LRRC7: variants seen among roughly 807,000 people sequenced by gnomAD.
LRRC7 encodes leucine-rich repeat-containing protein 7.
A neutral mutation model predicts 175.7 loss-of-function variants in LRRC7; 23 were observed. The ratio of observed to expected loss-of-function variants is 0.13; its 90% CI spans 0.09 to 0.19. The LOEUF (loss-of-function observed/expected upper bound fraction) is 0.19. Ranked by LOEUF, LRRC7 falls within the 10% of genes least tolerant of loss-of-function variation. LRRC7 has a pLI of 1.00. For missense variants in LRRC7, 1,354 were observed against 1,904.7 expected (o/e 0.71, Z 5.38); for synonymous variants, 685 against 680.9 (o/e 1.01, Z -0.09).
At chr1:70,090,421 C>A (rs1663939532) in intron 25 of LRRC7, among the ~76,000 whole-genome samples, 1 of 152,034 alleles carries the variant, frequency 6.6e-6, no homozygotes, top group Non-Finnish European at 1.5e-5. Context: ...TTAAGGCACA[C>A]CAACTCTAAC....
chr1:69,976,686 C>T (rs138348374), intron 8 of LRRC7, among the ~76,000 whole-genome samples: 91 of 152,250 alleles, frequency 6.0e-4, no homozygotes, highest in African/African-American at 2.0e-3. Flanking sequence ...TTTCCTAACA[C>T]AACTCTATTC....
intron 7 of LRRC7, among the ~76,000 whole-genome samples, chr1:69,853,336 T>C (rs183717910): frequency 2.9e-5 from 4 of 137,924 alleles, no homozygotes; most frequent in African/African-American, 5.4e-5. Flanking sequence ...TGGAGTGCAA[T>C]GGTGTGGTCT....
At chr1:70,074,779 G>A (rs999061226) in intron 23 of LRRC7, among the ~76,000 whole-genome samples, 3 of 151,666 alleles carry the variant, frequency 2.0e-5, no homozygotes, top group South Asian at 4.2e-4. Context: ...ATTGTCTCTT[G>A]TTTGGAATCC....
chr1:69,987,683 G>C (rs1327672517), intron 10 of LRRC7, among the ~76,000 whole-genome samples: 2 of 152,142 alleles, frequency 1.3e-5, no homozygotes, highest in Non-Finnish European at 2.9e-5. Context: ...AGGTAATCCA[G>C]TTGAAGATGA....
chr1:69,618,685 A>T (rs1008471378), intron 1 of LRRC7, among the ~76,000 whole-genome samples: 1 of 152,096 alleles, frequency 6.6e-6, no homozygotes, highest in Non-Finnish European at 1.5e-5. Context: ...TTCTTGTTTG[A>T]GCTCAACTCT....
intron 2 of LRRC7, among the ~76,000 whole-genome samples, chr1:69,703,610 A>G (rs184962752): frequency 1.3e-5 from 2 of 152,140 alleles, no homozygotes; most frequent in African/African-American, 4.8e-5. Flanking sequence ...TATCTATTCT[A>G]AGAACAAATT....
Position 69,688,870 on chromosome 1 carries a change from G to C in LRRC7, c.100+10392G>C, listed in dbSNP as rs535605182. Among the ~76,000 whole-genome samples, 8 of 152,182 alleles carry C rather than the reference G, an allele frequency of 5.3e-5. No individual in the cohort carries two copies. The East Asian group carries it at 1.4e-3, about 26-fold the overall frequency. On this transcript the variant is annotated intron_variant, in intron 2 of 26. Transcript: ENST00000651989. The stretch of plus-strand genomic sequence containing the variant: ...GCTATTTGGCTTAGCATAAGTAATG[G>C]AGCAGGTAAGATTACTCAACACTAT...
intron 1 of LRRC7, among the ~76,000 whole-genome samples, chr1:69,589,154 A>C (rs867239443): frequency 2.4e-4 from 27 of 113,786 alleles, no homozygotes; most frequent in African/African-American, 9.4e-4. Context: ...GTGTGTGTGT[A>C]TGTCTGTGTG....
chr1:69,811,586 A>T (rs1379980050), intron 4 of LRRC7, among the ~76,000 whole-genome samples: 2 of 152,192 alleles, frequency 1.3e-5, no homozygotes, highest in Non-Finnish European at 2.9e-5. Flanking sequence ...AATACTATGC[A>T]TCCATAAAAA....
intron 1 of LRRC7, among the ~76,000 whole-genome samples, chr1:69,646,902 T>C (rs1570147071): frequency 2.0e-5 from 3 of 152,130 alleles, no homozygotes; most frequent in Admixed American, 2.0e-4. Context: ...TTGAGTACCC[T>C]GCATCATGGG....
chr1:69,887,388 C>G lies in LRRC7; in HGVS notation c.648-44119C>G, dbSNP rs1645670222. On this transcript the variant is annotated intron_variant, in intron 7 of 26. Coordinates refer to ENST00000651989, the MANE Select transcript of LRRC7 (RefSeq NM_001370785.2). ...TCATTTCATCTTCCATTGCTGATAC[C>G]CTTTCTTCCAGTTGATCGCATTGGC... is the stretch of plus-strand genomic sequence containing the variant. Among the ~76,000 whole-genome samples, 5 of 139,146 alleles carry G rather than the reference C, an allele frequency of 3.6e-5. No homozygotes were observed. The South Asian group carries it at 1.2e-3, about 34-fold the overall frequency. 91.3% of individuals were successfully genotyped at this position (139,146 alleles called of 152,430 possible).
chr1:70,075,209 G>A (rs895998780), intron 23 of LRRC7, among the ~76,000 whole-genome samples: 4 of 152,168 alleles, frequency 2.6e-5, no homozygotes, highest in African/African-American at 9.7e-5. Context: ...TCTCAGTTTA[G>A]AAAGGCATAT....
At chr1:70,044,239 C>A (rs1368361668) in intron 22 of LRRC7, 145 bp downstream of exon 22, 7 of 682,532 alleles carry the variant, frequency 1.0e-5, no homozygotes, top group Non-Finnish European at 1.6e-5. Context: ...TAATGTAGAG[C>A]CTGAACTCTT....
At chr1:69,851,720 T>C (rs1419871306) in intron 7 of LRRC7, among the ~76,000 whole-genome samples, 7 of 152,176 alleles carry the variant, frequency 4.6e-5, no homozygotes, top group Admixed American at 4.6e-4. Flanking sequence ...GGAAAGTTAA[T>C]GGACAAGGGT....
intron 8 of LRRC7, among the ~76,000 whole-genome samples, chr1:69,976,522 T>G (rs1487496247): frequency 1.3e-5 from 2 of 152,178 alleles, no homozygotes; most frequent in Admixed American, 1.3e-4. Flanking sequence ...CTTTGCATCT[T>G]TTAATCCAAT....
rs926100210 is a variant in LRRC7 at position 69,744,576 on chromosome 1, C to T, written c.101-15615C>T. 5.9e-5 allele frequency among the ~76,000 whole-genome samples: 9 copies of T among 151,738 alleles called. 1 individual carries two copies. The highest frequency in any genetic ancestry group is 1.0e-4 in the Non-Finnish European group (7 of 67,810). On this transcript the variant is annotated intron_variant, in intron 2 of 26. Coordinates refer to ENST00000651989, the MANE Select transcript of LRRC7 (RefSeq NM_001370785.2). ...CATATGTTAATCTCACTATAATTGC[C>T]GGAGGTGGATTGAGTTCCAAATGGG...
chr1:69,782,976 A>G (rs1673942322), intron 3 of LRRC7, among the ~76,000 whole-genome samples: 2 of 152,196 alleles, frequency 1.3e-5, no homozygotes, highest in Admixed American at 6.5e-5. Context: ...AAAAATGACC[A>G]TCCAAACACT....
chr1:69,742,933 G>T (rs2100863259), intron 2 of LRRC7, among the ~76,000 whole-genome samples: 1 of 152,080 alleles, frequency 6.6e-6, no homozygotes, highest in South Asian at 2.1e-4. Flanking sequence ...TGTTGTTAAA[G>T]GAAGCAGAGT....
intron 4 of LRRC7, among the ~76,000 whole-genome samples, chr1:69,800,703 C>T (rs758456302): frequency 1.3e-5 from 2 of 151,688 alleles, no homozygotes; most frequent in Non-Finnish European, 3.0e-5. Context: ...TTTCACTTTC[C>T]CTTTTCCAGC....
Sources: allele counts gnomAD v4.1 joint callset (sites outside exome capture counted in the v4.1 genomes callset), GRCh38; gene constraint gnomAD v4.1.1; transcripts MANE v1.5; gene names NCBI Gene and HGNC (gene_info 2026-07-23, HGNC 2026-07-21).